The following JMJD1C variants were observed in gnomAD, a reference collection of about 807,000 sequenced individuals.
JMJD1C encodes the protein jumonji domain-containing protein 1C.
JMJD1C carries 31 observed loss-of-function variants against 245.3 expected under a neutral mutation model. That is an observed-to-expected ratio of 0.13 (90% confidence interval 0.09 to 0.17). The LOEUF is 0.17. JMJD1C is among the 10% of genes least tolerant of loss of function. The pLI, the probability that JMJD1C is intolerant of heterozygous loss-of-function variation, is 1.00. For synonymous variants in JMJD1C, 1,057 were observed against 1,017.4 expected (o/e 1.04, Z -0.74); for missense variants, 2,691 against 3,000.2 (o/e 0.90, Z 2.41).
chr10:63,422,728 T>C (rs1367366349), intron 1 of JMJD1C, among the ~76,000 whole-genome samples: 1 of 152,192 alleles, frequency 6.6e-6, no homozygotes, highest in East Asian at 1.9e-4. Context: ...ATAGTGGAAC[T>C]TGGGAAAGTT....
intron 1 of JMJD1C, among the ~76,000 whole-genome samples, chr10:63,449,497 A>G (rs1951910547): frequency 6.6e-6 from 1 of 152,186 alleles, no homozygotes; most frequent in Non-Finnish European, 1.5e-5. Context: ...CCAAGCTATT[A>G]TATGAGCTAA....
chr10:63,438,272 A>C (rs919133122), intron 1 of JMJD1C, among the ~76,000 whole-genome samples: 8 of 152,198 alleles, frequency 5.3e-5, no homozygotes, highest in African/African-American at 1.9e-4. Context: ...AAAACCTTAG[A>C]ACCCATCTTA....
intron 1 of JMJD1C, among the ~76,000 whole-genome samples, chr10:63,477,441 G>A (rs937568946): frequency 6.6e-6 from 1 of 151,320 alleles, no homozygotes; most frequent in East Asian, 1.9e-4. Context: ...TCCAGAAATA[G>A]ACCCATACTT....
At chr10:63,371,277 T>C (rs1221512056) in intron 2 of JMJD1C, among the ~76,000 whole-genome samples, 1 of 152,154 alleles carries the variant, frequency 6.6e-6, no homozygotes, top group Non-Finnish European at 1.5e-5. Context: ...CCACTGTCCC[T>C]GGTCTATAAG....
chr10:63,384,864 C>T (rs1487563030), intron 1 of JMJD1C, among the ~76,000 whole-genome samples: 1 of 152,112 alleles, frequency 6.6e-6, no homozygotes, highest in Non-Finnish European at 1.5e-5. Flanking sequence ...TTTTAATTTC[C>T]TTCAAAAGCT....
rs539119315 is a variant in JMJD1C, at chr10:63,191,115, T to C, written c.6077-7A>G. 1.4e-5 allele frequency: 23 copies of C among 1,598,456 alleles called. No homozygotes were observed. Among genetic ancestry groups the C allele is most frequent in the Non-Finnish European group, 1.8e-5 (21 of 1,166,500 alleles). The stretch of plus-strand genomic sequence containing the variant: ...AGGGTAAGTTCTTTGTTTTCTGAAA[T>C]AGAAAATTTCACAGATTTTGTTTTG... On this transcript the variant is annotated splice_region_variant and splice_polypyrimidine_tract_variant and intron_variant, in intron 16 of 25. Coordinates refer to ENST00000399262, the MANE Select transcript of JMJD1C (RefSeq NM_032776.3).
At chr10:63,229,483 T>C (rs992995231) in intron 3 of JMJD1C, among the ~76,000 whole-genome samples, 9 of 152,152 alleles carry the variant, frequency 5.9e-5, no homozygotes, top group Non-Finnish European at 1.5e-5. Context: ...ATACTATCCA[T>C]GTAATTATTT....
At chr10:63,309,080 G>A (rs1055376233) in intron 2 of JMJD1C, among the ~76,000 whole-genome samples, 7 of 152,066 alleles carry the variant, frequency 4.6e-5, no homozygotes, top group African/African-American at 1.2e-4. Context: ...AACCATTCAA[G>A]AAAGACCAAA....
chr10:63,486,159 AAAAAAAAAAC>A (rs1160322320), intron 1 of JMJD1C, among the ~76,000 whole-genome samples: 9 of 46,146 alleles, frequency 2.0e-4, no homozygotes, highest in African/African-American at 5.2e-4. Flanking sequence ...AAAAAAAAAA[AAAAAAAAAAC>A]AAAAAACAGA....
chr10:63,237,018 G>A (rs1850810745), intron 3 of JMJD1C, among the ~76,000 whole-genome samples: 2 of 152,010 alleles, frequency 1.3e-5, no homozygotes, highest in South Asian at 4.1e-4. Flanking sequence ...GATTCATACA[G>A]AACAAACACT....
At chr10:63,312,338 C>G (rs1293064083) in intron 2 of JMJD1C, among the ~76,000 whole-genome samples, 1 of 152,026 alleles carries the variant, frequency 6.6e-6, no homozygotes, top group Non-Finnish European at 1.5e-5. Flanking sequence ...TAACTCCTGA[C>G]CTCAGGTGAT....
chr10:63,180,054 C>T (rs1250083499), intron 22 of JMJD1C, among the ~76,000 whole-genome samples: 4 of 152,098 alleles, frequency 2.6e-5, no homozygotes, highest in Admixed American at 2.0e-4. Context: ...GGCTGAAGTG[C>T]TGGGGCACAG....
At chr10:63,318,642 T>C (rs1940416862) in intron 2 of JMJD1C, among the ~76,000 whole-genome samples, 1 of 152,164 alleles carries the variant, frequency 6.6e-6, no homozygotes, top group East Asian at 1.9e-4. Context: ...TCCTGGGACA[T>C]CAATACTTGT....
At chr10:63,361,104 A>T (rs1304709192) in intron 2 of JMJD1C, among the ~76,000 whole-genome samples, 1 of 152,200 alleles carries the variant, frequency 6.6e-6, no homozygotes, top group Non-Finnish European at 1.5e-5. Flanking sequence ...TTTAAACTTA[A>T]GTGAGTTATT....
At chr10:63,362,428 A>T (rs967016426) in intron 2 of JMJD1C, among the ~76,000 whole-genome samples, 3 of 151,628 alleles carry the variant, frequency 2.0e-5, no homozygotes, top group Non-Finnish European at 4.4e-5. Flanking sequence ...CTTAGTTGTA[A>T]ATCACAATAG....
intron 1 of JMJD1C, among the ~76,000 whole-genome samples, chr10:63,491,261 C>T (rs778935757): frequency 6.6e-6 from 1 of 152,152 alleles, no homozygotes; most frequent in Non-Finnish European, 1.5e-5. Flanking sequence ...TCATCACCCC[C>T]TCCCCCAGTT....
chr10:63,309,380 G>A (rs2134037042), intron 2 of JMJD1C, among the ~76,000 whole-genome samples: 1 of 151,072 alleles, frequency 6.6e-6, no homozygotes, highest in East Asian at 2.0e-4. Flanking sequence ...TGTAATCCCA[G>A]GTACTCAGGA....
intron 1 of JMJD1C, among the ~76,000 whole-genome samples, chr10:63,464,678 C>G (rs1485295236): frequency 6.8e-6 from 1 of 146,990 alleles, no homozygotes; most frequent in East Asian, 2.0e-4. Flanking sequence ...AAAGCACTGG[C>G]AGCGTCACAT....
chr10:63,364,606 C>A (rs547775410), intron 2 of JMJD1C, among the ~76,000 whole-genome samples: 1 of 152,116 alleles, frequency 6.6e-6, no homozygotes, highest in Non-Finnish European at 1.5e-5. Context: ...CCACCTCAGC[C>A]TTCTAAGGAG....
Sources: gnomAD v4.1 joint callset for allele counts (sites outside exome capture counted in the v4.1 genomes callset) on GRCh38, gnomAD v4.1.1 for gene constraint, MANE v1.5 for transcripts, NCBI Gene and HGNC (gene_info 2026-07-23, HGNC 2026-07-21) for gene names.